RBFOX1: variants seen among roughly 807,000 people sequenced by gnomAD.
RBFOX1 encodes RNA binding protein fox-1 homolog 1.
RBFOX1 carries 8 observed loss-of-function variants against 57.7 expected under a neutral mutation model. The ratio of observed to expected loss-of-function variants is 0.14; its 90% CI spans 0.08 to 0.25. The LOEUF (loss-of-function observed/expected upper bound fraction) is 0.25. RBFOX1 is among the 10% of genes least tolerant of loss of function. The pLI, the probability that RBFOX1 is intolerant of heterozygous loss-of-function variation, is 1.00. For missense variants in RBFOX1, 611 were observed against 548.5 expected (o/e 1.11, Z -1.14); for synonymous variants, 326 against 222.4 (o/e 1.47, Z -4.15).
chr16:7,210,598 A>T (rs1340719196), intron 4 of RBFOX1, among the ~76,000 whole-genome samples: 4 of 147,896 alleles, frequency 2.7e-5, no homozygotes, highest in Non-Finnish European at 6.0e-5. Flanking sequence ...TGACCGTCAT[A>T]CTGATGCTAA....
At chr16:7,136,377 G>C (rs1414771271) in intron 4 of RBFOX1, among the ~76,000 whole-genome samples, 1 of 150,420 alleles carries the variant, frequency 6.6e-6, no homozygotes, top group Non-Finnish European at 1.5e-5. Flanking sequence ...ACCTAGTAGA[G>C]ATACAGAACA....
chr16:7,125,561 C>G (rs2068292375), intron 4 of RBFOX1, among the ~76,000 whole-genome samples: 1 of 152,148 alleles, frequency 6.6e-6, no homozygotes, highest in Non-Finnish European at 1.5e-5. Flanking sequence ...TGTGCCAAGT[C>G]ATGGATGGTT....
chr16:6,381,991 A>C (rs1401794295), intron 2 of RBFOX1, among the ~76,000 whole-genome samples: 1 of 152,212 alleles, frequency 6.6e-6, no homozygotes, highest in Admixed American at 6.5e-5. Context: ...AGGGCCACAC[A>C]GGAAATATTT....
At chr16:5,668,030 T>A (rs1049741814) in intron 3 of RBFOX1, among the ~76,000 whole-genome samples, 4 of 151,692 alleles carry the variant, frequency 2.6e-5, no homozygotes, top group African/African-American at 9.7e-5. Context: ...AAAAAAAAAA[T>A]TCCAACAACC....
At chr16:7,191,339 G>GAA (rs71147668) in intron 4 of RBFOX1, among the ~76,000 whole-genome samples, 17 of 142,826 alleles carry the variant, frequency 1.2e-4, no homozygotes, top group Admixed American at 7.1e-4. Context: ...GACAAAAAAA[G>GAA]AAAAAAAAAA....
At chr16:6,006,912 T>C (rs889806524) in intron 4 of RBFOX1, among the ~76,000 whole-genome samples, 1 of 152,192 alleles carries the variant, frequency 6.6e-6, no homozygotes, top group African/African-American at 2.4e-5. Flanking sequence ...GTCCGCCTTC[T>C]CTCCCCATAT....
At chr16:6,164,469 A>AT (rs35070328) in intron 1 of RBFOX1, among the ~76,000 whole-genome samples, 9,338 of 137,590 alleles carry the variant, frequency 0.068, 753 homozygotes, top group African/African-American at 0.19. Flanking sequence ...TGTTATATTG[A>AT]TTTTTTTTTT....
intron 4 of RBFOX1, among the ~76,000 whole-genome samples, chr16:7,170,582 T>A (rs1335009939): frequency 6.6e-6 from 1 of 152,230 alleles, no homozygotes; most frequent in Non-Finnish European, 1.5e-5. Flanking sequence ...TGTGAGAAAC[T>A]AAAGGATTTG....
chr16:7,105,707 T>C (rs545909444), intron 4 of RBFOX1, among the ~76,000 whole-genome samples: 10 of 152,168 alleles, frequency 6.6e-5, no homozygotes, highest in Admixed American at 3.9e-4. Context: ...TATATATCTA[T>C]CTATATATGG....
chr16:6,297,021 G>C (rs1327790660), intron 1 of RBFOX1, among the ~76,000 whole-genome samples: 1 of 152,142 alleles, frequency 6.6e-6, no homozygotes, highest in Non-Finnish European at 1.5e-5. Flanking sequence ...TTAAACAAGG[G>C]GTGGGTTATT....
intron 4 of RBFOX1, among the ~76,000 whole-genome samples, chr16:7,071,646 T>TATTC (rs1555448950): frequency 2.3e-4 from 35 of 151,388 alleles, no homozygotes; most frequent in Non-Finnish European, 2.4e-4. Context: ...CTGGGTAATT[T>TATTC]ATACATACAT....
intron 4 of RBFOX1, among the ~76,000 whole-genome samples, chr16:7,262,986 G>T (rs183106006): frequency 1.3e-5 from 2 of 152,210 alleles, no homozygotes; most frequent in Admixed American, 1.3e-4. Flanking sequence ...GGAAGTGTTA[G>T]AGGGTGATAG....
At chr16:6,607,200 T>C (rs1480335000) in intron 2 of RBFOX1, among the ~76,000 whole-genome samples, 2 of 152,166 alleles carry the variant, frequency 1.3e-5, no homozygotes, top group East Asian at 1.9e-4. Context: ...TGACTACTGA[T>C]TGGGGACAAT....
chr16:6,104,983 G>A (rs2096361206), intron 1 of RBFOX1, among the ~76,000 whole-genome samples: 1 of 152,120 alleles, frequency 6.6e-6, no homozygotes, highest in Non-Finnish European at 1.5e-5. Flanking sequence ...TTGGGCCTTT[G>A]GGGCTAATTC....
intron 4 of RBFOX1, among the ~76,000 whole-genome samples, chr16:7,286,453 T>A (rs958067117): frequency 1.4e-4 from 21 of 147,660 alleles, no homozygotes; most frequent in African/African-American, 3.8e-4. Context: ...TTCTTATTTT[T>A]TTTTTTTTTT....
chr16:7,176,692 A>C (rs1439955393), intron 4 of RBFOX1, among the ~76,000 whole-genome samples: 2 of 152,192 alleles, frequency 1.3e-5, no homozygotes, highest in African/African-American at 2.4e-5. Flanking sequence ...TCCTTGTTCT[A>C]GGTATTGAGA....
chr16:7,637,718 G>C (rs1345671213), intron 11 of RBFOX1, among the ~76,000 whole-genome samples: 2 of 152,140 alleles, frequency 1.3e-5, no homozygotes, highest in Non-Finnish European at 2.9e-5. Flanking sequence ...GCCAGTGTCT[G>C]ACAGCTTCTT....
intron 3 of RBFOX1, among the ~76,000 whole-genome samples, chr16:5,779,835 A>G (rs1597220326): frequency 6.6e-6 from 1 of 152,188 alleles, no homozygotes; most frequent in Non-Finnish European, 1.5e-5. Flanking sequence ...CCGTTTGCCT[A>G]CACTGTGACT....
At chr16:7,207,632 T>A (rs1451772279) in intron 4 of RBFOX1, among the ~76,000 whole-genome samples, 1 of 152,176 alleles carries the variant, frequency 6.6e-6, no homozygotes, top group Non-Finnish European at 1.5e-5. Context: ...CTGAGAACAG[T>A]CTCTGCAACC....
Sources: gnomAD v4.1 joint callset for allele counts (sites outside exome capture counted in the v4.1 genomes callset) on GRCh38, gnomAD v4.1.1 for gene constraint, MANE v1.5 for transcripts, NCBI Gene and HGNC (gene_info 2026-07-23, HGNC 2026-07-21) for gene names.